The following BCOR variants were observed in gnomAD, a reference collection of about 807,000 sequenced individuals.
BCOR encodes the protein BCL-6 corepressor.
Under a neutral mutation model 86.7 loss-of-function variants are expected in BCOR, and 10 were observed. The ratio of observed to expected loss-of-function variants is 0.12; its 90% CI spans 0.07 to 0.20. BCOR has a LOEUF of 0.20. Among genes scored for constraint, BCOR ranks in the 10% least tolerant of loss-of-function variants. BCOR has a pLI of 1.00. For missense variants in BCOR, 1,259 were observed against 1,452.1 expected (o/e 0.87, Z 2.16); for synonymous variants, 611 against 609.0 (o/e 1.00, Z -0.05).
intron 1 of BCOR, among the ~76,000 whole-genome samples, chrX:40,147,674 A>G (rs962077573): frequency 8.8e-6 from 1 of 113,357 alleles, no homozygotes; most frequent in African/African-American, 3.2e-5. Flanking sequence ...TGACAGCAAG[A>G]CAAAGCGGGA....
At chrX:40,124,135 A>G (rs1453988678) in intron 1 of BCOR, among the ~76,000 whole-genome samples, 1 of 111,258 alleles carries the variant, frequency 9.0e-6, no homozygotes, top group Non-Finnish European at 1.9e-5. Context: ...AGCGGACCAT[A>G]AAGATTTTGA....
chrX:40,052,112 C>A lies in BCOR; in HGVS notation c.5265G>T (p.Trp1755Cys), dbSNP rs1485427754. 1 of 1,193,798 alleles carries A rather than the reference C, an allele frequency of 8.4e-7. No homozygotes were observed. Among genetic ancestry groups the A allele is most frequent in the Non-Finnish European group, 1.1e-6 (1 of 885,533 alleles). ...GTACATGGTGGGTCCAGCTTGCTCACCAGTAGTTGTCTGAGGCCAGATCAC... is the reference window on the plus strand; with the variant it reads ...GTACATGGTGGGTCCAGCTTGCTCAACAGTAGTTGTCTGAGGCCAGATCAC... The part of the protein sequence containing the change: ...HPSDLASDNY[W>C] The change falls in exon 15 of 15, where the codon TGG becomes TGT. Residue 1755 changes from tryptophan to cysteine, a missense_variant. Trp to Cys is a radical substitution (Grantham distance 215, BLOSUM62 -2). Transcript: ENST00000378444.
At chrX:40,157,606 G>A (rs1439683003) in intron 1 of BCOR, among the ~76,000 whole-genome samples, 1 of 112,427 alleles carries the variant, frequency 8.9e-6, no homozygotes, top group Non-Finnish European at 1.9e-5. Context: ...AGTGGGAGGT[G>A]TCAACCCAGT....
chrX:40,077,635 A>G (rs1935872793), intron 2 of BCOR: 1 of 437,549 alleles, frequency 2.3e-6, no homozygotes, highest in Non-Finnish European at 4.0e-6. Flanking sequence ...AGTGCACTGA[A>G]AGGCCGCTTT....
upstream of BCOR, among the ~76,000 whole-genome samples, chrX:40,101,623 T>A (rs139625326): frequency 8.9e-6 from 1 of 112,371 alleles, no homozygotes; most frequent in Non-Finnish European, 1.9e-5. Context: ...TCAAGGCAGG[T>A]TGACTCTGCA....
intron 4 of BCOR, 176 bp from the exon 5 acceptor site, chrX:40,071,866 A>C (rs1350726519): frequency 2.3e-6 from 1 of 438,723 alleles, no homozygotes; most frequent in African/African-American, 2.5e-5. Context: ...TTCACTAGCA[A>C]GTTAAATACA....
intron 1 of BCOR, among the ~76,000 whole-genome samples, chrX:40,158,526 T>C (rs1938349006): frequency 8.9e-6 from 1 of 112,520 alleles, no homozygotes; most frequent in Non-Finnish European, 1.9e-5. Flanking sequence ...AAGCGTGGCC[T>C]GTAGTGTCGC....
chrX:40,134,692 G>C (rs1362439971), intron 1 of BCOR, among the ~76,000 whole-genome samples: 2 of 111,855 alleles, frequency 1.8e-5, no homozygotes, highest in East Asian at 5.6e-4. Context: ...AGTTACAGAA[G>C]ATGGATCAAC....
At chrX:40,161,036 CTG>C (rs1388290109) in intron 1 of BCOR, among the ~76,000 whole-genome samples, 1 of 104,618 alleles carries the variant, frequency 9.6e-6, no homozygotes, top group Non-Finnish European at 2.0e-5. Flanking sequence ...GGGTCTGTCT[CTG>C]TTGCCCAGGT....
At position 40,096,955 on chromosome X, in the gene BCOR, G is replaced by A. The variant is rs1419004701; in HGVS notation, c.-41+260C>T. On this transcript the variant is annotated intron_variant, in intron 1 of 14. Transcript: ENST00000378444. Reference sequence around the variant, plus strand: ...TCCCTGCTCTCCTCCTGGCCCACCGGGAGGCGCCAGGCCCCCAGCCGCGCC... The same window carrying A: ...TCCCTGCTCTCCTCCTGGCCCACCGAGAGGCGCCAGGCCCCCAGCCGCGCC... 1.1e-4 allele frequency among the ~76,000 whole-genome samples: 12 copies of A among 112,734 alleles called. No homozygotes were observed. In the Admixed American group the frequency reaches 1.1e-3, roughly 10 times the overall value.
At chrX:40,139,902 T>C (rs1397693352) in intron 1 of BCOR, among the ~76,000 whole-genome samples, 1 of 108,149 alleles carries the variant, frequency 9.2e-6, no homozygotes, top group Non-Finnish European at 1.9e-5. Flanking sequence ...GCAAACTGAG[T>C]GACTGAGAAA....
At chrX:40,149,433 G>A (rs1938126689) in intron 1 of BCOR, among the ~76,000 whole-genome samples, 1 of 111,317 alleles carries the variant, frequency 9.0e-6, no homozygotes, top group Non-Finnish European at 1.9e-5. Flanking sequence ...TAAAAAGACA[G>A]GAACGGCAAG....
chrX:40,164,470 C>CA (rs1295668655), intron 1 of BCOR, among the ~76,000 whole-genome samples: 1 of 112,449 alleles, frequency 8.9e-6, no homozygotes, highest in Non-Finnish European at 1.9e-5. Context: ...CCAAATCCCC[C>CA]ACCTTTGATA....
At chrX:40,064,270 T>C in intron 7 of BCOR, 66 bp downstream of exon 7, 1 of 1,197,327 alleles carries the variant, frequency 8.4e-7, no homozygotes, top group Non-Finnish European at 1.1e-6. Context: ...ACATCTCCTG[T>C]CCATCCACTG....
intron 1 of BCOR, among the ~76,000 whole-genome samples, chrX:40,143,727 C>T (rs185779179): frequency 4.4e-5 from 5 of 112,746 alleles, no homozygotes; most frequent in Admixed American, 1.9e-4. Flanking sequence ...GAGGCCGAGG[C>T]GGGTGGATCA....
chrX:40,071,547 G>A, intron 5 of BCOR, 90 bp downstream of exon 5: 1 of 653,975 alleles, frequency 1.5e-6, no homozygotes, highest in Non-Finnish European at 2.5e-6. Flanking sequence ...GACGACCATG[G>A]CCCACAAACT....
chrX:40,176,082 A>G (rs1363322938), intron 1 of BCOR, among the ~76,000 whole-genome samples: 1 of 112,714 alleles, frequency 8.9e-6, no homozygotes, highest in Non-Finnish European at 1.9e-5. Context: ...CTCCCACGCT[A>G]GAGTAGCGCA....
Position 40,051,392 on chromosome X carries a change from A to G in BCOR, c.*717T>C, listed in dbSNP as rs1003614768. 5.9e-6 allele frequency: 1 copy of G among 170,320 alleles called. No individual in the cohort carries two copies. The highest frequency in any genetic ancestry group is 1.1e-5 in the Non-Finnish European group (1 of 88,919). 14.0% of individuals were successfully genotyped at this position (170,320 alleles called of 1,213,427 possible). On this transcript the variant is annotated 3_prime_UTR_variant, in exon 15 of 15. Coordinates refer to ENST00000378444, the MANE Select transcript of BCOR (RefSeq NM_001123385.2). ...GATTCAGAAAATTTTAGTTTTATGT[A>G]CATTTCCAAGCAACCTCAACATATT... is the stretch of plus-strand genomic sequence containing the variant.
chrX:40,062,913 C>G lies in BCOR; in HGVS notation c.4006G>C (p.Asp1336His), dbSNP rs981265184. ...ENQKTDVLCA[D>H]EEEDCQAASL... Reference sequence around the variant, plus strand: ...GCAGCCTGGCAATCCTCTTCTTCGTCTGCACACAGCACATCTGTCTTCTGG... The same window carrying G: ...GCAGCCTGGCAATCCTCTTCTTCGTGTGCACACAGCACATCTGTCTTCTGG... The change falls in exon 9 of 15, where the codon GAC becomes CAC. Residue 1336 changes from aspartate to histidine, a missense_variant. Asp to His is a moderately conservative substitution (Grantham distance 81). Transcript: ENST00000378444. 11 of 1,208,757 alleles carry G rather than the reference C, an allele frequency of 9.1e-6. No individual in the cohort carries two copies. The highest frequency in any genetic ancestry group is 3.5e-5 in the African/African-American group (2 of 57,227).
Sources: allele counts gnomAD v4.1 joint callset (sites outside exome capture counted in the v4.1 genomes callset), GRCh38; gene constraint gnomAD v4.1.1; transcripts MANE v1.5; gene names NCBI Gene and HGNC (gene_info 2026-07-23, HGNC 2026-07-21).